The following NECAB1 variants were observed in gnomAD, a reference collection of about 807,000 sequenced individuals.
NECAB1 encodes N-terminal EF-hand calcium-binding protein 1.
A neutral mutation model predicts 57.5 loss-of-function variants in NECAB1; 29 were observed. That is an observed-to-expected ratio of 0.50 (90% confidence interval 0.38 to 0.69). The LOEUF (loss-of-function observed/expected upper bound fraction) is 0.69. Among genes scored for constraint, NECAB1 ranks in the 30% least tolerant of loss-of-function variants. NECAB1 has a pLI of 0.00. For missense variants in NECAB1, 372 were observed against 413.8 expected (o/e 0.90, Z 0.88); for synonymous variants, 142 against 147.7 (o/e 0.96, Z 0.28).
At chr8:90,895,928 A>G (rs1044977892) in intron 5 of NECAB1, among the ~76,000 whole-genome samples, 2 of 152,254 alleles carry the variant, frequency 1.3e-5, no homozygotes, top group Non-Finnish European at 2.9e-5. Flanking sequence ...ATTAAAGCTC[A>G]ACGAGCTGAT....
chr8:90,887,938 T>C (rs1490870108), intron 5 of NECAB1, among the ~76,000 whole-genome samples: 2 of 152,182 alleles, frequency 1.3e-5, no homozygotes, highest in Admixed American at 1.3e-4. Context: ...GCTAGAGCTG[T>C]GGTAGGTAGA....
At chr8:90,909,242 T>C (rs1008664685) in intron 5 of NECAB1, among the ~76,000 whole-genome samples, 2 of 152,132 alleles carry the variant, frequency 1.3e-5, no homozygotes, top group Non-Finnish European at 2.9e-5. Context: ...ACTCCAGCCA[T>C]TGGCCAAATT....
chr8:90,949,285 A>C (rs1167635120), intron 10 of NECAB1, among the ~76,000 whole-genome samples: 4 of 152,090 alleles, frequency 2.6e-5, no homozygotes, highest in Admixed American at 6.6e-5. Flanking sequence ...ACTAGGAGTC[A>C]GTTGTATAGC....
At chr8:90,918,489 G>A (rs1343742668) in intron 6 of NECAB1, among the ~76,000 whole-genome samples, 3 of 152,094 alleles carry the variant, frequency 2.0e-5, no homozygotes, top group African/African-American at 7.2e-5. Context: ...AAATACCGTA[G>A]AGAAGAGGAA....
At chr8:90,813,331 A>G (rs951419294) in intron 2 of NECAB1, among the ~76,000 whole-genome samples, 14 of 151,916 alleles carry the variant, frequency 9.2e-5, no homozygotes, top group Non-Finnish European at 1.5e-4. Context: ...TGTAAAATAC[A>G]TGGAGCCAGG....
intron 12 of NECAB1, among the ~76,000 whole-genome samples, chr8:90,951,775 ACCCAGCTAAGGGAAT>A (rs1810928363): frequency 6.6e-6 from 1 of 151,460 alleles, no homozygotes; most frequent in Non-Finnish European, 1.5e-5. Flanking sequence ...GAAAAAAAAA[ACCCAGCTAAGGGAAT>A]AAAATAGCTG....
chr8:90,949,015 C>T (rs932939201), intron 10 of NECAB1, among the ~76,000 whole-genome samples: 3 of 151,976 alleles, frequency 2.0e-5, no homozygotes, highest in African/African-American at 7.3e-5. Flanking sequence ...TCGGGCTAGT[C>T]AAAGGACTGG....
At chr8:90,844,161 A>C (rs1812511555) in intron 3 of NECAB1, among the ~76,000 whole-genome samples, 1 of 152,106 alleles carries the variant, frequency 6.6e-6, no homozygotes, top group Admixed American at 6.5e-5. Flanking sequence ...GTTGTATACA[A>C]ATCTGGGGTG....
intron 5 of NECAB1, among the ~76,000 whole-genome samples, chr8:90,910,678 C>T (rs566503232): frequency 6.6e-6 from 1 of 152,298 alleles, no homozygotes; most frequent in South Asian, 2.1e-4. Flanking sequence ...TAAGAGTTCA[C>T]AGGGGCTACA....
intron 3 of NECAB1, among the ~76,000 whole-genome samples, chr8:90,854,198 G>T (rs1368271709): frequency 6.6e-6 from 1 of 152,130 alleles, no homozygotes; most frequent in Non-Finnish European, 1.5e-5. Flanking sequence ...GGAAAATTGG[G>T]CTGGTTTTAG....
At chr8:90,794,500 A>T (rs1470402246) in intron 1 of NECAB1, among the ~76,000 whole-genome samples, 1 of 152,198 alleles carries the variant, frequency 6.6e-6, no homozygotes, top group Non-Finnish European at 1.5e-5. Flanking sequence ...TTTTATTGCA[A>T]TGTCACTGGA....
chr8:90,927,154 A>C (rs1261532595), intron 7 of NECAB1, among the ~76,000 whole-genome samples: 2 of 150,348 alleles, frequency 1.3e-5, no homozygotes, highest in African/African-American at 4.9e-5. Flanking sequence ...CATAAATTTT[A>C]TTAGTATATT....
rs1384311657 is a variant in NECAB1 at position 90,955,763 on chromosome 8, C to T, written c.*251C>T. 2.6e-6 allele frequency: 1 copy of T among 380,052 alleles called. No individual in the cohort carries two copies. Among genetic ancestry groups the T allele is most frequent in the African/African-American group, 2.1e-5 (1 of 47,488 alleles). 23.5% of individuals were successfully genotyped at this position (380,052 alleles called of 1,614,324 possible). Reference sequence around the variant, plus strand: ...TTGCTACATTGTAACTCACCTAAAACCTTTTAGTGACAAAATCCTAATATG... The same window carrying T: ...TTGCTACATTGTAACTCACCTAAAATCTTTTAGTGACAAAATCCTAATATG... On this transcript the variant is annotated 3_prime_UTR_variant, in exon 13 of 13. Coordinates refer to ENST00000417640, the MANE Select transcript of NECAB1 (RefSeq NM_022351.5).
At chr8:90,812,991 A>C (rs1182309361) in intron 2 of NECAB1, 2 of 152,036 alleles carry the variant, frequency 1.3e-5, no homozygotes, top group Non-Finnish European at 2.9e-5. Context: ...GTTTGAGACC[A>C]TCCTGGCTAA....
intron 3 of NECAB1, among the ~76,000 whole-genome samples, chr8:90,871,146 A>G (rs1185324982): frequency 6.6e-6 from 1 of 152,202 alleles, no homozygotes; most frequent in Non-Finnish European, 1.5e-5. Context: ...GAGCATTGAC[A>G]TGTGACAACT....
intron 3 of NECAB1, 41 bp from the exon 4 acceptor site, chr8:90,872,087 C>T: frequency 1.3e-6 from 2 of 1,486,342 alleles, no homozygotes; most frequent in Non-Finnish European, 1.8e-6. Context: ...AAAAATATTA[C>T]CAAAGTAATA....
At chr8:90,949,630 C>T (rs1810884859) in intron 10 of NECAB1, among the ~76,000 whole-genome samples, 177 bp from the exon 11 acceptor site, 2 of 152,152 alleles carry the variant, frequency 1.3e-5, no homozygotes, top group South Asian at 4.1e-4. Flanking sequence ...TTATGCCTAA[C>T]AGACATATTT....
chr8:90,823,164 G>A (rs1315274960), intron 2 of NECAB1, among the ~76,000 whole-genome samples: 3 of 151,768 alleles, frequency 2.0e-5, no homozygotes, highest in Non-Finnish European at 2.9e-5. Context: ...CACCTGAATC[G>A]CTAAGCTGGC....
intron 3 of NECAB1, among the ~76,000 whole-genome samples, chr8:90,861,286 G>T (rs1198201839): frequency 6.6e-6 from 1 of 152,118 alleles, no homozygotes; most frequent in Non-Finnish European, 1.5e-5. Flanking sequence ...GTCTCTCAAG[G>T]TAACCTGATG....
Sources: gnomAD v4.1 joint callset for allele counts (sites outside exome capture counted in the v4.1 genomes callset) on GRCh38, gnomAD v4.1.1 for gene constraint, MANE v1.5 for transcripts, NCBI Gene and HGNC (gene_info 2026-07-23, HGNC 2026-07-21) for gene names.